Variants in KSR1 observed in about 807,000 individuals in gnomAD.
The protein encoded by KSR1 is kinase suppressor of ras 1.
KSR1 carries 35 observed loss-of-function variants against 92.9 expected under a neutral mutation model. The observed-to-expected ratio is 0.38, with a 90% CI of 0.29 to 0.50. KSR1 has a LOEUF of 0.50. Ranked by LOEUF, KSR1 falls within the 20% of genes least tolerant of loss-of-function variation. The pLI is 0.94. For missense variants in KSR1, 972 were observed against 1,158.5 expected (o/e 0.84, Z 2.34); for synonymous variants, 467 against 472.6 (o/e 0.99, Z 0.15).
intron 1 of KSR1, among the ~76,000 whole-genome samples, chr17:27,474,629 G>T (rs1011180271): frequency 2.0e-5 from 3 of 152,184 alleles, no homozygotes; most frequent in African/African-American, 7.2e-5. Context: ...TGCAGAATGA[G>T]AATATTTTTA....
chr17:27,601,075 C>T (rs1555605846), intron 10 of KSR1, among the ~76,000 whole-genome samples: 2 of 152,246 alleles, frequency 1.3e-5, no homozygotes, highest in Non-Finnish European at 2.9e-5. Context: ...CTTCTGGGCT[C>T]ACATGCATTT....
intron 4 of KSR1, 78 bp downstream of exon 4, chr17:27,583,183 A>G: frequency 2.0e-6 from 2 of 1,003,308 alleles, no homozygotes; most frequent in East Asian, 2.6e-5. Flanking sequence ...AAGGACCAAT[A>G]AAATCAACCC....
intron 1 of KSR1, among the ~76,000 whole-genome samples, chr17:27,480,043 C>T (rs1302916663): frequency 6.6e-6 from 1 of 152,176 alleles, no homozygotes; most frequent in African/African-American, 2.4e-5. Flanking sequence ...AAATGCAAGT[C>T]AGCTCTTTTG....
chr17:27,568,297 T>C (rs968281725), intron 2 of KSR1, among the ~76,000 whole-genome samples: 18 of 152,218 alleles, frequency 1.2e-4, no homozygotes, highest in Non-Finnish European at 2.1e-4. Flanking sequence ...CCCATCTGAA[T>C]GGACAGACCA....
intron 19 of KSR1, among the ~76,000 whole-genome samples, chr17:27,619,806 G>A (rs942026920): frequency 2.0e-5 from 3 of 152,044 alleles, no homozygotes; most frequent in Non-Finnish European, 4.4e-5. Flanking sequence ...TCCGCCTCCC[G>A]GGTTCAAGCG....
Position 27,533,035 on chromosome 17 carries a change from A to G in KSR1, c.232-17533A>G, listed in dbSNP as rs1597966548. Among the ~76,000 whole-genome samples, 4 of 152,276 alleles carry G rather than the reference A, an allele frequency of 2.6e-5. No individual in the cohort carries two copies. In the Middle Eastern group the frequency reaches 0.01, roughly 388 times the overall value. On this transcript the variant is annotated intron_variant, in intron 1 of 20. Coordinates refer to ENST00000644974, the MANE Select transcript of KSR1 (RefSeq NM_001394583.1). ...TATAAATGAGAACATTTGTACCAAG[A>G]TGCCCAGCATTGGCCTGATGGACAG...
chr17:27,612,234 G>T (rs747438173), intron 18 of KSR1, among the ~76,000 whole-genome samples: 6 of 152,210 alleles, frequency 3.9e-5, no homozygotes, highest in Non-Finnish European at 8.8e-5. Context: ...GTTGCACTGG[G>T]AATATGCATG....
chr17:27,458,487 C>T (rs1207466700), intron 1 of KSR1, among the ~76,000 whole-genome samples: 3 of 152,222 alleles, frequency 2.0e-5, no homozygotes. Context: ...AGGAGAACCA[C>T]TTGCTGTGCA....
chr17:27,555,242 G>C (rs970760412), intron 2 of KSR1, among the ~76,000 whole-genome samples: 1 of 152,098 alleles, frequency 6.6e-6, no homozygotes, highest in African/African-American at 2.4e-5. Flanking sequence ...GGGGTAGGTG[G>C]GTTAAGCTCC....
chr17:27,492,661 G>T (rs747097707), intron 1 of KSR1, among the ~76,000 whole-genome samples: 1 of 152,196 alleles, frequency 6.6e-6, no homozygotes, highest in South Asian at 2.1e-4. Context: ...AGGCAGCCAT[G>T]AGTTAGATAA....
intron 1 of KSR1, among the ~76,000 whole-genome samples, chr17:27,538,947 T>C (rs546677162): frequency 3.3e-5 from 5 of 152,232 alleles, no homozygotes; most frequent in Non-Finnish European, 7.3e-5. Context: ...CTTTCCAGCA[T>C]TGGGCACAGT....
rs555372659 is a variant in KSR1 at position 27,508,287 on chromosome 17, G to A, written c.232-42281G>A. Among the ~76,000 whole-genome samples the A allele has an allele frequency of 8.5e-5, 13 of 152,268 alleles. 1 individual carries two copies. The East Asian group carries it at 1.5e-3, about 18-fold the overall frequency. ...GCCATGAGCCCTGTGTGGAATCCTG[G>A]CTCTGAGCAGTTAGAATAATGGTTA... is the stretch of plus-strand genomic sequence containing the variant. On this transcript the variant is annotated intron_variant, in intron 1 of 20. Coordinates refer to ENST00000644974, the MANE Select transcript of KSR1 (RefSeq NM_001394583.1).
chr17:27,462,649 T>A (rs569430059), intron 1 of KSR1, among the ~76,000 whole-genome samples: 1 of 152,262 alleles, frequency 6.6e-6, no homozygotes, highest in Non-Finnish European at 1.5e-5. Flanking sequence ...GAACAGTTCC[T>A]CTGATAAACA....
chr17:27,599,087 A>G (rs1228347546), intron 10 of KSR1, among the ~76,000 whole-genome samples: 1 of 152,248 alleles, frequency 6.6e-6, no homozygotes, highest in Non-Finnish European at 1.5e-5. Flanking sequence ...ACGTAAACCC[A>G]GATGGTATAG....
chr17:27,573,137 C>G (rs74592199), intron 2 of KSR1, among the ~76,000 whole-genome samples: 1 of 152,344 alleles, frequency 6.6e-6, no homozygotes, highest in East Asian at 1.9e-4. Flanking sequence ...ATGGGGTCTC[C>G]GCGCTTAGGC....
chr17:27,459,776 G>T lies in KSR1; in HGVS notation c.231+2902G>T, dbSNP rs2019345958. 6.6e-6 allele frequency among the ~76,000 whole-genome samples: 1 copy of T among 152,232 alleles called. No homozygotes were observed. The highest frequency in any genetic ancestry group is 1.5e-5 in the Non-Finnish European group (1 of 68,040). On this transcript the variant is annotated intron_variant, in intron 1 of 20. Transcript: ENST00000644974. This position sits in a 1 kb window ranked among gnomAD's most constrained non-coding sequence, Gnocchi z 4.6. The stretch of plus-strand genomic sequence containing the variant: ...ACGTGAAATGTCCGTGGAGGTCCCT[G>T]ACCAGGGATGGGCTGCTGCTGCCTG...
At chr17:27,457,582 G>A (rs1408087912) in intron 1 of KSR1, among the ~76,000 whole-genome samples, 1 of 152,172 alleles carries the variant, frequency 6.6e-6, no homozygotes, top group Non-Finnish European at 1.5e-5. Flanking sequence ...TGTTTAAAGG[G>A]TTCTGATGGA....
chr17:27,497,461 C>T (rs760044864), intron 1 of KSR1, among the ~76,000 whole-genome samples: 54 of 152,248 alleles, frequency 3.5e-4, no homozygotes, highest in Admixed American at 5.9e-4. Flanking sequence ...TTACAGCCCC[C>T]TTTCAGTCCT....
chr17:27,529,306 A>G (rs2070444623), intron 1 of KSR1, among the ~76,000 whole-genome samples: 1 of 152,260 alleles, frequency 6.6e-6, no homozygotes, highest in South Asian at 2.1e-4. Flanking sequence ...GTTGCCTCAT[A>G]GTGTTCTGTG....
Sources: gnomAD v4.1 joint callset for allele counts (sites outside exome capture counted in the v4.1 genomes callset) on GRCh38, gnomAD v4.1.1 for gene constraint, Gnocchi (gnomAD v3.1) non-coding constraint, MANE v1.5 for transcripts, NCBI Gene and HGNC (gene_info 2026-07-23, HGNC 2026-07-21) for gene names.